The following WDR41 variants were observed in gnomAD, a reference collection of about 807,000 sequenced individuals.
WDR41 encodes the protein WD repeat domain 41, also known as WD repeat-containing protein 41.
Under a neutral mutation model 69.3 loss-of-function variants are expected in WDR41, and 63 were observed. The ratio of observed to expected loss-of-function variants is 0.91; its 90% CI spans 0.74 to 1.12. The LOEUF (loss-of-function observed/expected upper bound fraction) is 1.12, where lower values mean the gene tolerates loss of function less well. WDR41 is among the 50% of genes most tolerant of loss of function. The pLI, the probability that WDR41 is intolerant of heterozygous loss-of-function variation, is 0.00. For synonymous variants in WDR41, 185 were observed against 192.1 expected, an observed-to-expected ratio of 0.96 and a Z score of 0.31; for missense variants, 543 against 534.5, an observed-to-expected ratio of 1.02 and a Z score of -0.16.
chr5:77,502,825 T>C lies in WDR41; in HGVS notation c.43-13253A>G, dbSNP rs191953819. ...ACAGACAGGCAAATGCTGAGAGATTTTGTCACCACCAGGCCTGCCTTACAA... is the reference window on the plus strand; with the variant it reads ...ACAGACAGGCAAATGCTGAGAGATTCTGTCACCACCAGGCCTGCCTTACAA... On this transcript the variant is annotated intron_variant, in intron 1 of 5. Coordinates refer to the WDR41 transcript ENST00000509971. Among the ~76,000 whole-genome samples the C allele has an allele frequency of 2.7e-3, 416 of 152,280 alleles. 2 individuals are homozygous for C. Among genetic ancestry groups the C allele is most frequent in the African/African-American group, 9.3e-3 (388 of 41,538 alleles).
chr5:77,598,201 C>T (rs989081295), intron 1 of WDR41, among the ~76,000 whole-genome samples: 4 of 152,162 alleles, frequency 2.6e-5, no homozygotes, highest in African/African-American at 7.2e-5. Flanking sequence ...ACTTCTATTC[C>T]ATCTACCTTT....
intron 1 of WDR41, among the ~76,000 whole-genome samples, chr5:77,514,623 G>C (rs1004776211): frequency 3.9e-5 from 6 of 152,074 alleles, no homozygotes; most frequent in African/African-American, 1.4e-4. Flanking sequence ...ATAGAGTAAT[G>C]GTCAGTTAAT....
chr5:77,561,094 T>C (rs1354604585), intron 1 of WDR41, among the ~76,000 whole-genome samples: 4 of 152,306 alleles, frequency 2.6e-5, no homozygotes, highest in Middle Eastern at 3.4e-3. Context: ...TCCATTGTTT[T>C]GTTGAATATC....
intron 1 of WDR41, among the ~76,000 whole-genome samples, chr5:77,595,788 G>A (rs1443745565): frequency 6.6e-6 from 1 of 151,920 alleles, no homozygotes; most frequent in Admixed American, 6.5e-5. Context: ...ACTAGTGGTA[G>A]TAATTTTTTT....
exon 1 of WDR41, chr5:77,620,524 T>C: frequency 2.2e-6 from 1 of 456,154 alleles, no homozygotes; most frequent in Non-Finnish European, 4.4e-6. Context: ...CATGCATACA[T>C]AAAGAGAGGT....
intron 1 of WDR41, among the ~76,000 whole-genome samples, chr5:77,536,095 T>G (rs999274413): frequency 6.6e-6 from 1 of 152,202 alleles, no homozygotes; most frequent in Non-Finnish European, 1.5e-5. Flanking sequence ...TACCCTGTTT[T>G]CTTGGCTCAA....
intron 1 of WDR41, among the ~76,000 whole-genome samples, chr5:77,560,190 A>G (rs1743498485): frequency 6.6e-6 from 1 of 152,214 alleles, no homozygotes; most frequent in Non-Finnish European, 1.5e-5. Context: ...GAATAAGATT[A>G]CCTTAATTTA....
intron 1 of WDR41, among the ~76,000 whole-genome samples, chr5:77,609,004 C>G (rs562236162): frequency 2.4e-4 from 37 of 152,354 alleles, no homozygotes; most frequent in Middle Eastern, 3.4e-3. Context: ...GAGATTATAT[C>G]CCGCACCTGG....
At chr5:77,494,738 A>G (rs1046388335), upstream of WDR41, among the ~76,000 whole-genome samples, 1 of 152,324 alleles carries the variant, frequency 6.6e-6, no homozygotes, top group African/African-American at 2.4e-5. Context: ...TCCACTTTCA[A>G]TAATAGATAG....
At chr5:77,605,260 C>T (rs1024409756) in intron 1 of WDR41, among the ~76,000 whole-genome samples, 2 of 152,188 alleles carry the variant, frequency 1.3e-5, no homozygotes, top group Non-Finnish European at 2.9e-5. Flanking sequence ...CTGCTCCTTA[C>T]TGTTGTCTGC....
intron 1 of WDR41, among the ~76,000 whole-genome samples, chr5:77,512,848 T>C (rs1353777331): frequency 6.6e-6 from 1 of 151,782 alleles, no homozygotes; most frequent in Non-Finnish European, 1.5e-5. Flanking sequence ...AATATATAAA[T>C]GCATTATTTT....
intron 1 of WDR41, among the ~76,000 whole-genome samples, chr5:77,514,639 C>A (rs547547962): frequency 2.0e-5 from 3 of 152,086 alleles, no homozygotes; most frequent in Admixed American, 6.5e-5. Flanking sequence ...TTAATGATAG[C>A]GACACATTCT....
intron 1 of WDR41, among the ~76,000 whole-genome samples, chr5:77,515,759 A>G (rs1234491029): frequency 6.6e-6 from 1 of 152,106 alleles, no homozygotes; most frequent in East Asian, 1.9e-4. Context: ...TCATTGACCA[A>G]AAAAAATCAT....
At chr5:77,512,027 G>A (rs1266611737) in intron 1 of WDR41, among the ~76,000 whole-genome samples, 2 of 152,038 alleles carry the variant, frequency 1.3e-5, no homozygotes, top group Admixed American at 6.6e-5. Flanking sequence ...TTGGGAATTC[G>A]TAGCCAGTAT....
intron 1 of WDR41, among the ~76,000 whole-genome samples, chr5:77,580,005 T>C (rs182414458): frequency 4.9e-4 from 75 of 152,290 alleles, no homozygotes; most frequent in Admixed American, 1.5e-3. Flanking sequence ...CATCAGTAGC[T>C]ATAATATGTA....
At chr5:77,590,446 C>CACAG (rs1303402957) in intron 1 of WDR41, among the ~76,000 whole-genome samples, 4 of 152,150 alleles carry the variant, frequency 2.6e-5, no homozygotes, top group Non-Finnish European at 5.9e-5. Flanking sequence ...ACAGATGGCA[C>CACAG]ATGGGGTGAG....
chr5:77,438,187 C>T (rs1799018617), intron 10 of WDR41, 53 bp downstream of exon 10: 3 of 1,609,994 alleles, frequency 1.9e-6, no homozygotes, highest in Non-Finnish European at 2.5e-6. Flanking sequence ...CACTGGTAGC[C>T]CTGGGAACTG....
At chr5:77,453,973 A>C (rs764214747) in intron 5 of WDR41, 45 bp from the exon 6 acceptor site, 1 of 1,469,232 alleles carries the variant, frequency 6.8e-7, no homozygotes, top group Non-Finnish European at 9.5e-7. Flanking sequence ...AAACTTAAGC[A>C]GTCATTGTTC....
chr5:77,444,754 T>A (rs1462098245), intron 8 of WDR41, among the ~76,000 whole-genome samples: 1 of 152,252 alleles, frequency 6.6e-6, no homozygotes, highest in Non-Finnish European at 1.5e-5. Flanking sequence ...AACGTGCCTA[T>A]GTACTGCAAG....
Sources: gnomAD v4.1 joint callset for allele counts (sites outside exome capture counted in the v4.1 genomes callset) on GRCh38, gnomAD v4.1.1 for gene constraint, MANE v1.5 for transcripts, NCBI Gene and HGNC (gene_info 2026-07-23, HGNC 2026-07-21) for gene names.